CACNA1C: variants seen among roughly 807,000 people sequenced by gnomAD.
The protein encoded by CACNA1C is voltage-dependent L-type calcium channel subunit alpha-1C.
In CACNA1C, 30 loss-of-function variants were observed where a neutral mutation model predicts 229.0. The observed-to-expected ratio is 0.13, with a 90% CI of 0.10 to 0.18. The LOEUF (loss-of-function observed/expected upper bound fraction) is 0.18, where lower values mean the gene tolerates loss of function less well. Among genes scored for constraint, CACNA1C ranks in the 10% least tolerant of loss-of-function variants. CACNA1C has a pLI of 1.00. For missense variants in CACNA1C, 1,658 were observed against 2,845.0 expected, an observed-to-expected ratio of 0.58 and a Z score of 9.49; for synonymous variants, 1,114 against 1,132.5, an observed-to-expected ratio of 0.98 and a Z score of 0.33.
chr12:2,310,342 T>TAAAAAAAA (rs1262171750), intron 3 of CACNA1C, among the ~76,000 whole-genome samples: 58 of 144,250 alleles, frequency 4.0e-4, no homozygotes, highest in Middle Eastern at 3.6e-3. Flanking sequence ...GCCTCCCAGT[T>TAAAAAAAA]AAAAAAAAAA....
chr12:2,208,469 A>G (rs752600087), intron 3 of CACNA1C, among the ~76,000 whole-genome samples: 62 of 152,290 alleles, frequency 4.1e-4, no homozygotes, highest in Non-Finnish European at 7.2e-4. Flanking sequence ...CTGGCACTGC[A>G]GTGCCCGTTA....
At chr12:2,097,122 A>G (rs2074330609) in intron 1 of CACNA1C, among the ~76,000 whole-genome samples, 1 of 152,032 alleles carries the variant, frequency 6.6e-6, no homozygotes, top group African/African-American at 2.4e-5. Flanking sequence ...TCATATGGTA[A>G]TTTTATGTTT....
At chr12:2,088,701 C>T (rs894985605) in intron 1 of CACNA1C, among the ~76,000 whole-genome samples, 1 of 152,192 alleles carries the variant, frequency 6.6e-6, no homozygotes, top group African/African-American at 2.4e-5. Flanking sequence ...TCCCATGTAT[C>T]TGAAGGGCCT....
intron 1 of CACNA1C, among the ~76,000 whole-genome samples, chr12:2,085,402 T>C (rs2370252): frequency 0.91 from 138,959 of 152,256 alleles, 63,478 homozygotes; most frequent in East Asian, 1. Context: ...AGCTGCAGAA[T>C]GTTTTAATTT....
intron 29 of CACNA1C, among the ~76,000 whole-genome samples, chr12:2,622,536 G>A (rs1005113805): frequency 4.6e-5 from 7 of 152,148 alleles, no homozygotes; most frequent in Admixed American, 3.3e-4. Context: ...ACATGTTTGC[G>A]ACAGAACCAG....
chr12:2,045,603 T>G (rs2050908950), intron 1 of CACNA1C, among the ~76,000 whole-genome samples: 1 of 152,188 alleles, frequency 6.6e-6, no homozygotes, highest in Non-Finnish European at 1.5e-5. Context: ...TCACTTAAGC[T>G]CTAACATATG....
intron 2 of CACNA1C, among the ~76,000 whole-genome samples, chr12:2,119,503 G>A (rs561911190): frequency 6.6e-6 from 1 of 152,192 alleles, no homozygotes; most frequent in Non-Finnish European, 1.5e-5. Flanking sequence ...AGCGTGTCCT[G>A]CCCTGAAAAT....
At chr12:2,320,955 C>T (rs1592720046) in intron 3 of CACNA1C, among the ~76,000 whole-genome samples, 1 of 152,174 alleles carries the variant, frequency 6.6e-6, no homozygotes, top group Admixed American at 6.5e-5. Context: ...CCTGGGGGGC[C>T]CAGAGGAGGG....
intron 3 of CACNA1C, among the ~76,000 whole-genome samples, chr12:2,441,951 C>T (rs570229279): frequency 6.6e-6 from 1 of 152,278 alleles, no homozygotes; most frequent in Admixed American, 6.5e-5. Context: ...GCACCTGTCC[C>T]GAAGCCCTCT....
chr12:1,977,100 T>C (rs1286210416), intron 1 of CACNA1C, among the ~76,000 whole-genome samples: 2 of 152,214 alleles, frequency 1.3e-5, no homozygotes, highest in Non-Finnish European at 2.9e-5. Context: ...CTTTTAACTT[T>C]CCAGATTGCT....
intron 3 of CACNA1C, among the ~76,000 whole-genome samples, chr12:2,326,620 G>A (rs1014918810): frequency 6.6e-6 from 1 of 152,166 alleles, no homozygotes; most frequent in African/African-American, 2.4e-5. Context: ...CCTAGCTCTC[G>A]CCATGCTGTG....
Position 2,353,611 on chromosome 12 carries a change from C to G in CACNA1C, c.478-95365C>G, listed in dbSNP as rs368462834. 3.3e-5 allele frequency among the ~76,000 whole-genome samples: 5 copies of G among 152,282 alleles called. No homozygotes were observed. The East Asian group carries it at 7.7e-4, about 24-fold the overall frequency. ...AGGAGACGGGTCAGCAGCCTCTGCC[C>G]TTGGATTTGCCAAGTGCCCCCCATT... On this transcript the variant is annotated intron_variant, in intron 3 of 46. Transcript: ENST00000399655.
intron 26 of CACNA1C, 133 bp downstream of exon 26, chr12:2,607,263 A>T: frequency 8.5e-6 from 7 of 826,928 alleles, no homozygotes; most frequent in Admixed American, 2.8e-5. Context: ...CTCCCCAGGC[A>T]GTGAGGTGTA....
At chr12:2,283,255 A>G (rs1254986081) in intron 3 of CACNA1C, among the ~76,000 whole-genome samples, 2 of 152,192 alleles carry the variant, frequency 1.3e-5, no homozygotes, top group Non-Finnish European at 2.9e-5. Context: ...CCTTACTCTT[A>G]GTGACACAAT....
rs1241169413 is a variant in CACNA1C at position 2,034,124 on chromosome 12, A to G, written c.139+62923A>G. Among the ~76,000 whole-genome samples, 1 of 152,220 alleles carries G rather than the reference A, an allele frequency of 6.6e-6. No homozygotes were observed. The highest frequency in any genetic ancestry group is 1.5e-5 in the Non-Finnish European group (1 of 68,042). On this transcript the variant is annotated intron_variant, in intron 1 of 46. Coordinates refer to the CACNA1C transcript ENST00000682462. This position sits in a 1 kb window ranked among gnomAD's most constrained non-coding sequence, Gnocchi z 4.1. ...AACATACTAACTCATTTTAATCCTCACAGCAACCCCATGAGGTGGATATCT... is the reference window on the plus strand; with the variant it reads ...AACATACTAACTCATTTTAATCCTCGCAGCAACCCCATGAGGTGGATATCT...
intron 31 of CACNA1C, among the ~76,000 whole-genome samples, chr12:2,650,058 C>T (rs216042): frequency 8.3e-4 from 126 of 152,280 alleles, no homozygotes; most frequent in Non-Finnish European, 1.2e-3. Context: ...CAGCAGGTCC[C>T]GAGTCCCACC....
At chr12:2,682,082 C>A in intron 42 of CACNA1C, 1 of 1,276,952 alleles carries the variant, frequency 7.8e-7, no homozygotes, top group Non-Finnish European at 1.1e-6. Context: ...TGCCTTTACC[C>A]CAGGGTGCCA....
chr12:2,679,769 A>T lies in CACNA1C; in HGVS notation c.5417A>T (p.Glu1806Val), dbSNP rs757371746. ...TTGTCCCCTGCCATCCGGGTGCAGG[A>T]GGTGGCGTGGAAGCTCAGCTCCAAC... ...PPLSPAIRVQ[E>V]VAWKLSSNRC... The change falls in exon 42 of 47, where the codon GAG becomes GTG. Residue 1806 changes from glutamate (E) to valine (V), a missense_variant. Around this residue, in one of 20 missense-constraint regions of CACNA1C, gnomAD observed 590 missense variants for 700.8 expected, o/e 0.84. Coordinates refer to ENST00000399655, the MANE Select transcript of CACNA1C (RefSeq NM_000719.7). The surrounding 1 kb of genome is among the most constrained non-coding windows in gnomAD (Gnocchi z 5.5). 1.9e-6 allele frequency: 3 copies of T among 1,580,604 alleles called. No homozygotes were observed. In the African/African-American group the frequency reaches 4.1e-5, roughly 21 times the overall value.
At position 2,348,793 on chromosome 12, in the gene CACNA1C, C is replaced by T. The variant is rs993646700; in HGVS notation, c.478-100183C>T. Among the ~76,000 whole-genome samples the T allele has an allele frequency of 6.6e-6, 1 of 152,118 alleles. No homozygotes were observed. The highest frequency in any genetic ancestry group is 1.5e-5 in the Non-Finnish European group (1 of 68,014). ...ATGGGAGAGTAGCTTCAAGCTTGCT[C>T]ATGGCTGGACTTCCCAGACACAGGG... On this transcript the variant is annotated intron_variant, in intron 3 of 46. Coordinates refer to ENST00000399655, the MANE Select transcript of CACNA1C (RefSeq NM_000719.7). This position sits in a 1 kb window ranked among gnomAD's most constrained non-coding sequence, Gnocchi z 4.7.
Sources: allele counts gnomAD v4.1 joint callset (sites outside exome capture counted in the v4.1 genomes callset), GRCh38; gene constraint gnomAD v4.1.1; regional missense constraint gnomAD v4.1.1; non-coding constraint Gnocchi (gnomAD v3.1); transcripts MANE v1.5; gene names NCBI Gene and HGNC (gene_info 2026-07-23, HGNC 2026-07-21).